The following NSF variants were observed in gnomAD, a reference collection of about 807,000 sequenced individuals.
NSF encodes N-ethylmaleimide sensitive factor, vesicle fusing ATPase.
In NSF, 14 loss-of-function variants were observed where a neutral mutation model predicts 50.3. The ratio of observed to expected loss-of-function variants is 0.28; its 90% CI spans 0.18 to 0.44. NSF has a LOEUF of 0.44. Among genes scored for constraint, NSF ranks in the 20% least tolerant of loss-of-function variants. The pLI, the probability that NSF is intolerant of heterozygous loss-of-function variation, is 1.00. For missense variants in NSF, 218 were observed against 504.3 expected (o/e 0.43, Z 5.44); for synonymous variants, 109 against 175.7 (o/e 0.62, Z 3.00).
intron 15 of NSF, among the ~76,000 whole-genome samples, chr17:46,724,962 A>G (rs1216973274): frequency 1.3e-5 from 2 of 152,170 alleles, no homozygotes; most frequent in African/African-American, 2.4e-5. Flanking sequence ...TTCTACTTGA[A>G]TTTAAAATGT....
chr17:46,703,680 CA>C (rs149212597), intron 12 of NSF, among the ~76,000 whole-genome samples: 455 of 37,742 alleles, frequency 0.012, 1 homozygote, highest in African/African-American at 0.038. Flanking sequence ...GACTCCGTCT[CA>C]AAAAAAAAAA....
intron 16 of NSF, among the ~76,000 whole-genome samples, chr17:46,728,158 G>A (rs1598721112): frequency 6.6e-6 from 1 of 152,104 alleles, no homozygotes; most frequent in Non-Finnish European, 1.5e-5. Context: ...TGGCATTTAC[G>A]CTGAATCTTG....
intron 17 of NSF, among the ~76,000 whole-genome samples, chr17:46,734,073 G>A (rs1025999146): frequency 2.6e-5 from 4 of 152,156 alleles, no homozygotes; most frequent in African/African-American, 9.7e-5. Context: ...TTGCTTTCAT[G>A]TAGTCCTTAC....
rs1462565015 is a variant in NSF, at chr17:46,676,253, A to G, written c.945+1640A>G. 1.3e-3 allele frequency among the ~76,000 whole-genome samples: 183 copies of G among 138,672 alleles called. 6 individuals are homozygous for G. Among genetic ancestry groups the G allele is most frequent in the African/African-American group, 5.0e-3 (175 of 34,994 alleles). The allele number at this position is 138,672 out of a possible 152,430, so 91.0% of individuals were successfully genotyped here. The stretch of plus-strand genomic sequence containing the variant: ...TTCTTCTTTTTTTTTTTTTTTTGAG[A>G]TGGAGTTTTGCTCTTGTTGCCCAGG... On this transcript the variant is annotated intron_variant, in intron 9 of 20. Transcript: ENST00000398238.
At chr17:46,726,381 C>T (rs1462776229) in intron 15 of NSF, among the ~76,000 whole-genome samples, 168 bp from the exon 16 acceptor site, 2 of 152,228 alleles carry the variant, frequency 1.3e-5, no homozygotes. Context: ...CCTTAGCCTG[C>T]TCTCTGTTCA....
chr17:46,721,879 A>G (rs1459941753), intron 15 of NSF: 19 of 1,585,668 alleles, frequency 1.2e-5, no homozygotes, highest in Non-Finnish European at 1.6e-5. Context: ...TTCTCCTCTG[A>G]GCGATAAAGA....
intron 16 of NSF, among the ~76,000 whole-genome samples, chr17:46,727,691 T>G (rs1213952005): frequency 6.6e-6 from 1 of 152,180 alleles, no homozygotes; most frequent in African/African-American, 2.4e-5. Flanking sequence ...ATGGGATGAT[T>G]TCTTTAAAAG....
chr17:46,714,333 G>A (rs1463644058), intron 15 of NSF, among the ~76,000 whole-genome samples: 2 of 152,088 alleles, frequency 1.3e-5, no homozygotes, highest in Non-Finnish European at 2.9e-5. Context: ...TTTCATTATT[G>A]TACAAAGTTG....
chr17:46,661,354 AT>A (rs1250630255), intron 8 of NSF, among the ~76,000 whole-genome samples: 2 of 148,788 alleles, frequency 1.3e-5, no homozygotes, highest in Non-Finnish European at 3.0e-5. Context: ...CCTGTTTTTT[AT>A]TTGAATCTCT....
At chr17:46,722,283 G>A (rs2058839769) in intron 15 of NSF, 1 of 844,394 alleles carries the variant, frequency 1.2e-6, no homozygotes, top group Non-Finnish European at 2.0e-6. Context: ...TGTAAGATAC[G>A]GTTCTTACCT....
intron 16 of NSF, among the ~76,000 whole-genome samples, chr17:46,727,516 C>T (rs2058902230): frequency 6.6e-6 from 1 of 152,132 alleles, no homozygotes; most frequent in African/African-American, 2.4e-5. Flanking sequence ...ACTGTTCTTA[C>T]TGCATTTTTC....
At chr17:46,710,938 G>A in intron 13 of NSF, 25 bp from the exon 14 acceptor site, 1 of 1,566,796 alleles carries the variant, frequency 6.4e-7, no homozygotes, top group Non-Finnish European at 8.6e-7. Flanking sequence ...GGCTCAAAAT[G>A]CTTTAGACTC....
chr17:46,752,804 T>C (rs2059194601), intron 19 of NSF, among the ~76,000 whole-genome samples: 1 of 152,160 alleles, frequency 6.6e-6, no homozygotes, highest in Non-Finnish European at 1.5e-5. Context: ...AGTCTCGCTC[T>C]GTTGCCCAGG....
At chr17:46,725,728 G>C (rs1421500957) in intron 15 of NSF, among the ~76,000 whole-genome samples, 1 of 152,086 alleles carries the variant, frequency 6.6e-6, no homozygotes, top group Non-Finnish European at 1.5e-5. Flanking sequence ...TACTATCTTG[G>C]TGTGCTGAGG....
intron 1 of NSF, among the ~76,000 whole-genome samples, chr17:46,592,976 A>C (rs2057854865): frequency 7.6e-6 from 1 of 132,306 alleles, no homozygotes; most frequent in African/African-American, 2.9e-5. Flanking sequence ...TCCCCCGGTA[A>C]AATTTGTCAG....
chr17:46,737,374 A>T (rs947383475), intron 17 of NSF, among the ~76,000 whole-genome samples: 1 of 152,146 alleles, frequency 6.6e-6, no homozygotes, highest in Non-Finnish European at 1.5e-5. Context: ...AACATCACAT[A>T]ATTTTTTAGC....
chr17:46,756,154 C>A lies in NSF; in HGVS notation c.*331C>A. 2 of 227,084 alleles carry A rather than the reference C, an allele frequency of 8.8e-6. No individual in the cohort carries two copies. Among genetic ancestry groups the A allele is most frequent in the Non-Finnish European group, 1.7e-5 (2 of 116,130 alleles). 14.1% of individuals were successfully genotyped at this position (227,084 alleles called of 1,614,324 possible). On this transcript the variant is annotated 3_prime_UTR_variant, in exon 21 of 21. Coordinates refer to ENST00000398238, the MANE Select transcript of NSF (RefSeq NM_006178.4). ...GTTTCAACCTCTCTACTAGCACCAT[C>A]ACCCTTGAAAACTCTCAGTCAGTGT...
intron 20 of NSF, 28 bp from the exon 21 acceptor site, chr17:46,755,774 T>G: frequency 6.2e-7 from 1 of 1,605,866 alleles, no homozygotes; most frequent in Non-Finnish European, 8.5e-7. Context: ...CTCATCTGTT[T>G]TTTTGTGTTT....
intron 13 of NSF, 111 bp from the exon 14 acceptor site, chr17:46,710,852 A>G (rs2058713230): frequency 2.2e-6 from 2 of 900,368 alleles, no homozygotes; most frequent in Admixed American, 7.0e-5. Context: ...TTTTATATTA[A>G]TATGGGATAG....
Sources: allele counts gnomAD v4.1 joint callset (sites outside exome capture counted in the v4.1 genomes callset), GRCh38; gene constraint gnomAD v4.1.1; transcripts MANE v1.5; gene names NCBI Gene and HGNC (gene_info 2026-07-23, HGNC 2026-07-21).